Variants in HSD17B2 observed in about 807,000 individuals in gnomAD.
The protein encoded by HSD17B2 is hydroxysteroid 17-beta dehydrogenase 2, also known as 17-beta-hydroxysteroid dehydrogenase type 2.
HSD17B2 carries 32 observed loss-of-function variants against 26.9 expected under a neutral mutation model. That is an observed-to-expected ratio of 1.19 (90% CI 0.90 to 1.60). HSD17B2 has a LOEUF of 1.60. Ranked by LOEUF, HSD17B2 falls within the 40% of genes most tolerant of loss-of-function variation. HSD17B2 has a pLI of 0.00. For synonymous variants in HSD17B2, 246 were observed against 186.7 expected, an observed-to-expected ratio of 1.32 and a Z score of -2.59; for missense variants, 613 against 468.6, an observed-to-expected ratio of 1.31 and a Z score of -2.85.
At chr16:82,051,493 A>C (rs977597027) in intron 1 of HSD17B2, among the ~76,000 whole-genome samples, 1 of 151,890 alleles carries the variant, frequency 6.6e-6, no homozygotes, top group Non-Finnish European at 1.5e-5. Flanking sequence ...GCATGTTCTC[A>C]CTCATAAGTG....
chr16:82,045,147 A>AG (rs1715837368), intron 1 of HSD17B2, among the ~76,000 whole-genome samples: 1 of 148,274 alleles, frequency 6.7e-6, no homozygotes, highest in Non-Finnish European at 1.5e-5. Context: ...AAAAAAAGAG[A>AG]GAAAAAAGAA....
chr16:82,049,718 C>A (rs1037565298), intron 1 of HSD17B2, among the ~76,000 whole-genome samples: 1 of 152,210 alleles, frequency 6.6e-6, no homozygotes, highest in Admixed American at 6.5e-5. Flanking sequence ...TACAAGAACA[C>A]CCAAGACTAC....
intron 1 of HSD17B2, among the ~76,000 whole-genome samples, chr16:82,064,517 C>A (rs1914525591): frequency 6.6e-6 from 1 of 152,140 alleles, no homozygotes; most frequent in Non-Finnish European, 1.5e-5. Context: ...ATCTTGGGTA[C>A]ACACCTAGGA....
chr16:82,090,309 T>TG (rs1904650048), intron 3 of HSD17B2: 1 of 249,578 alleles, frequency 4.0e-6, no homozygotes, highest in Non-Finnish European at 5.4e-6. Flanking sequence ...ATTGTTTTTT[T>TG]TTTTTTTTTT....
Position 82,035,445 on chromosome 16 carries a change from C to T in HSD17B2, c.21C>T (p.Asp7=), listed in dbSNP as rs760352216. The change falls in exon 1 of 5, where the codon GAC becomes GAT. Residue 7 remains aspartate, a synonymous_variant. Coordinates refer to ENST00000199936, the MANE Select transcript of HSD17B2 (RefSeq NM_002153.3). The part of the protein sequence containing the change: MSTFFS[D]TAWICLAVPT... ...TGAGAATGAGCACTTTCTTCTCGGA[C>T]ACAGCATGGATCTGCCTGGCTGTCC... 3.7e-6 allele frequency: 6 copies of T among 1,612,342 alleles called. No individual in the cohort carries two copies. In the African/African-American group the frequency reaches 6.7e-5, roughly 18 times the overall value.
intron 2 of HSD17B2, among the ~76,000 whole-genome samples, chr16:82,070,549 C>A (rs2143983293): frequency 6.6e-6 from 1 of 152,360 alleles, no homozygotes; most frequent in South Asian, 2.1e-4. Flanking sequence ...TGTGGCATGC[C>A]CGTGATGGGG....
At chr16:82,055,900 G>A (rs1914251856) in intron 1 of HSD17B2, among the ~76,000 whole-genome samples, 1 of 152,210 alleles carries the variant, frequency 6.6e-6, no homozygotes, top group Admixed American at 6.5e-5. Context: ...GATTCTAAGG[G>A]AGAGGTGATT....
chr16:82,074,402 C>T (rs1277106745), intron 3 of HSD17B2, among the ~76,000 whole-genome samples: 1 of 152,086 alleles, frequency 6.6e-6, no homozygotes, highest in Admixed American at 6.6e-5. Flanking sequence ...AAAACAGTAA[C>T]AAGAAATCAA....
At chr16:82,092,585 G>C (rs1451476951) in intron 4 of HSD17B2, 1 of 152,188 alleles carries the variant, frequency 6.6e-6, no homozygotes, top group Non-Finnish European at 1.5e-5. Flanking sequence ...GTTGCAGAGG[G>C]GGTGCAAGAC....
chr16:82,046,763 G>A (rs568836432), intron 1 of HSD17B2, among the ~76,000 whole-genome samples: 1 of 152,268 alleles, frequency 6.6e-6, no homozygotes, highest in East Asian at 1.9e-4. Context: ...ATTCTAGAGT[G>A]ATCATGGTCC....
intron 1 of HSD17B2, among the ~76,000 whole-genome samples, chr16:82,058,238 T>A (rs1470991104): frequency 6.6e-6 from 1 of 151,932 alleles, no homozygotes; most frequent in African/African-American, 2.4e-5. Context: ...ACCTGGCTAA[T>A]TTTTAAATTA....
chr16:82,040,853 G>C (rs16956276), intron 1 of HSD17B2, among the ~76,000 whole-genome samples: 5,270 of 152,282 alleles, frequency 0.035, 318 homozygotes, highest in African/African-American at 0.12. Flanking sequence ...TAATGAAATA[G>C]AACTTGGTTA....
intron 1 of HSD17B2, among the ~76,000 whole-genome samples, chr16:82,040,020 A>G (rs1027810789): frequency 1.3e-5 from 2 of 152,360 alleles, no homozygotes; most frequent in Admixed American, 6.5e-5. Context: ...AAGGTATTCC[A>G]GCCTAATTGG....
At chr16:82,041,969 T>C (rs1913778087) in intron 1 of HSD17B2, among the ~76,000 whole-genome samples, 1 of 152,080 alleles carries the variant, frequency 6.6e-6, no homozygotes, top group African/African-American at 2.4e-5. Flanking sequence ...CATCTCCTCT[T>C]GTGATCCTTT....
chr16:82,050,953 T>C (rs1914089035), intron 1 of HSD17B2, among the ~76,000 whole-genome samples: 1 of 152,202 alleles, frequency 6.6e-6, no homozygotes. Flanking sequence ...CCAGTTGTGA[T>C]AAGAAAAAAT....
intron 3 of HSD17B2, chr16:82,071,991 G>A (rs1914708594): frequency 6.6e-6 from 1 of 152,196 alleles, no homozygotes; most frequent in Admixed American, 6.5e-5. Context: ...GTTTTTGTTT[G>A]TTTGCTTGAC....
chr16:82,061,810 T>C (rs1914446316), intron 1 of HSD17B2, among the ~76,000 whole-genome samples: 1 of 152,236 alleles, frequency 6.6e-6, no homozygotes, highest in Non-Finnish European at 1.5e-5. Flanking sequence ...TTGTATGATG[T>C]TTTATTAATG....
intron 1 of HSD17B2, among the ~76,000 whole-genome samples, chr16:82,066,402 C>T (rs1249668256): frequency 6.6e-6 from 1 of 152,210 alleles, no homozygotes; most frequent in Admixed American, 6.5e-5. Flanking sequence ...GACTATCATT[C>T]TCTCTCTGGC....
intron 1 of HSD17B2, among the ~76,000 whole-genome samples, chr16:82,067,618 T>C (rs1387236977): frequency 1.3e-5 from 2 of 152,220 alleles, no homozygotes; most frequent in Non-Finnish European, 2.9e-5. Flanking sequence ...GGGCAGACCA[T>C]GGATAGGGAA....
Sources: allele counts gnomAD v4.1 joint callset (sites outside exome capture counted in the v4.1 genomes callset), GRCh38; gene constraint gnomAD v4.1.1; transcripts MANE v1.5; gene names NCBI Gene and HGNC (gene_info 2026-07-23, HGNC 2026-07-21).